EPB41: variants seen among roughly 807,000 people sequenced by gnomAD.
EPB41 encodes the protein protein 4.1.
Under a neutral mutation model 108.0 loss-of-function variants are expected in EPB41, and 65 were observed. The ratio of observed to expected loss-of-function variants is 0.60; its 90% CI spans 0.49 to 0.74. The LOEUF is 0.74. Among genes scored for constraint, EPB41 ranks in the 30% least tolerant of loss-of-function variants. EPB41 has a pLI of 0.00. For synonymous variants in EPB41, 336 were observed against 358.9 expected (o/e 0.94, Z 0.72); for missense variants, 875 against 1,037.0 (o/e 0.84, Z 2.15).
At chr1:28,900,290 CTTT>C (rs536156004) in intron 1 of EPB41, among the ~76,000 whole-genome samples, 6 of 126,054 alleles carry the variant, frequency 4.8e-5, no homozygotes, top group Admixed American at 7.9e-5. Flanking sequence ...ACTTCTTCTT[CTTT>C]TTTTTTTTTT....
chr1:29,099,284 A>G lies in EPB41; in HGVS notation c.2313+1349A>G, dbSNP rs112791691. On this transcript the variant is annotated intron_variant, in intron 17 of 20. Transcript: ENST00000343067. Reference sequence around the variant, plus strand: ...CCACTGCATTAAAAAAAAAAAAAAAAAAGAAGAAGAAGAAGAGATTACTGG... The same window carrying G: ...CCACTGCATTAAAAAAAAAAAAAAAGAAGAAGAAGAAGAAGAGATTACTGG... Among the ~76,000 whole-genome samples the G allele has an allele frequency of 2.2e-3, 329 of 150,426 alleles. 1 individual carries two copies. The highest frequency in any genetic ancestry group is 0.01 in the East Asian group (51 of 5,068).
intron 15 of EPB41, among the ~76,000 whole-genome samples, chr1:29,062,014 C>T (rs1646654830): frequency 6.6e-6 from 1 of 152,068 alleles, no homozygotes; most frequent in South Asian, 2.1e-4. Flanking sequence ...AAAAATATGC[C>T]CAGCCTTCAT....
chr1:28,972,804 A>G (rs1571706640), intron 1 of EPB41, among the ~76,000 whole-genome samples: 1 of 150,790 alleles, frequency 6.6e-6, no homozygotes, highest in East Asian at 1.9e-4. Context: ...TGGTCTCACT[A>G]TGCTGCCCAG....
chr1:29,040,812 CT>C (rs1641207538), intron 11 of EPB41, among the ~76,000 whole-genome samples: 1 of 152,026 alleles, frequency 6.6e-6, no homozygotes, highest in Non-Finnish European at 1.5e-5. Flanking sequence ...CATTCAGTTC[CT>C]TATGTCACTA....
chr1:29,041,978 A>G (rs1260480775), intron 11 of EPB41, among the ~76,000 whole-genome samples: 1 of 152,212 alleles, frequency 6.6e-6, no homozygotes, highest in Non-Finnish European at 1.5e-5. Flanking sequence ...AATGTTAGCT[A>G]TCATTAAGAT....
intron 16 of EPB41, among the ~76,000 whole-genome samples, chr1:29,090,617 G>T (rs1435977267): frequency 1.3e-5 from 2 of 152,172 alleles, no homozygotes; most frequent in African/African-American, 2.4e-5. Flanking sequence ...GGGCGCGATG[G>T]CAAATGCCTG....
Position 29,118,940 on chromosome 1 carries a change from C to T in EPB41, c.*2128C>T, listed in dbSNP as rs1455005277. The T allele has an allele frequency of 6.6e-6, 1 of 152,304 alleles. No homozygotes were observed. The highest frequency in any genetic ancestry group is 1.5e-5 in the Non-Finnish European group (1 of 68,120). The allele number at this position is 152,304 out of a possible 1,614,324, so 9.4% of individuals were successfully genotyped here. On this transcript the variant is annotated 3_prime_UTR_variant, in exon 21 of 21. Coordinates refer to ENST00000343067, the MANE Select transcript of EPB41 (RefSeq NM_001376013.1). ...AGGAAGAGCTACCAGGGCTTCCAGA[C>T]CTGTGGAACGAAGAGGATGGGGAAA... is the stretch of plus-strand genomic sequence containing the variant.
chr1:28,890,978 G>A (rs2090053271), intron 1 of EPB41: 1 of 985,492 alleles, frequency 1.0e-6, no homozygotes, highest in Non-Finnish European at 1.2e-6. Flanking sequence ...TGGGGAACAA[G>A]CTGTGCTGCC....
chr1:29,004,239 C>A (rs2096358292), intron 4 of EPB41, among the ~76,000 whole-genome samples: 1 of 152,192 alleles, frequency 6.6e-6, no homozygotes, highest in Admixed American at 6.5e-5. Context: ...CAAATTTCAT[C>A]TCTAAGCAGA....
intron 16 of EPB41, among the ~76,000 whole-genome samples, chr1:29,066,213 G>A (rs1238720168): frequency 6.6e-6 from 1 of 152,026 alleles, no homozygotes; most frequent in African/African-American, 2.4e-5. Context: ...GAGGTCAGGA[G>A]TTCGAGACCA....
At position 28,887,454 on chromosome 1, in the gene EPB41, A is replaced by G; in HGVS notation, c.-8+244A>G. ...TGGGAGTCTGGAGAGGGGGTCCGGG[A>G]GCTCGGATCCGGAGCTAGACACGTC... is the stretch of plus-strand genomic sequence containing the variant. On this transcript the variant is annotated intron_variant, in intron 1 of 16. Transcript: ENST00000347529. This position sits in a 1 kb window ranked among gnomAD's most constrained non-coding sequence, Gnocchi z 4.9. 1.0e-6 allele frequency: 1 copy of G among 985,118 alleles called. No individual in the cohort carries two copies. Among genetic ancestry groups the G allele is most frequent in the Non-Finnish European group, 1.2e-6 (1 of 829,854 alleles). The allele number at this position is 985,118 out of a possible 1,614,324, so 61.0% of individuals were successfully genotyped here.
At chr1:29,082,797 A>C (rs545926278) in intron 16 of EPB41, among the ~76,000 whole-genome samples, 35 of 152,310 alleles carry the variant, frequency 2.3e-4, no homozygotes, top group African/African-American at 8.2e-4. Context: ...ATTACCTAAT[A>C]GTTAAAATTT....
chr1:29,050,346 G>A (rs1033635608), intron 11 of EPB41, among the ~76,000 whole-genome samples: 10 of 152,274 alleles, frequency 6.6e-5, no homozygotes, highest in South Asian at 4.1e-4. Context: ...TGGCTCTGCA[G>A]TATTAGTACT....
Position 28,887,350 on chromosome 1 carries a change from G to C in EPB41, c.-8+140G>C. 1.7e-6 allele frequency: 2 copies of C among 1,151,608 alleles called. No homozygotes were observed. The highest frequency in any genetic ancestry group is 2.2e-6 in the Non-Finnish European group (2 of 923,108). The allele number at this position is 1,151,608 out of a possible 1,614,324, so 71.3% of individuals were successfully genotyped here. On this transcript the variant is annotated intron_variant, in intron 1 of 16. Transcript: ENST00000347529. This position sits in a 1 kb window ranked among gnomAD's most constrained non-coding sequence, Gnocchi z 4.9. ...GAAGGGTCCAGGGCTGAGGGGTCCA[G>C]CGGTCCCGAATTCCAGAATCCGAAC...
At chr1:29,031,208 G>T (rs1454966303) in intron 8 of EPB41, among the ~76,000 whole-genome samples, 1 of 152,132 alleles carries the variant, frequency 6.6e-6, no homozygotes, top group Non-Finnish European at 1.5e-5. Flanking sequence ...TCATATCCAA[G>T]CTACTGTTAA....
In EPB41 at chr1:28,892,218, G is replaced by A. The variant is rs147942900; in HGVS notation, c.-8+5008G>A. On this transcript the variant is annotated intron_variant, in intron 1 of 16. Coordinates refer to the EPB41 transcript ENST00000347529. ...CCCCTACAGCAACTTTGTCAGGTAG[G>A]TGGTACCCCTCACCCATGCTGGGTC... Among the ~76,000 whole-genome samples the A allele has an allele frequency of 9.3e-3, 1,407 of 152,040 alleles. 8 individuals carry two copies. Among genetic ancestry groups the A allele is most frequent in the Admixed American group, 0.015 (233 of 15,232 alleles).
intron 16 of EPB41, among the ~76,000 whole-genome samples, chr1:29,086,219 G>A (rs7544914): frequency 0.66 from 100,259 of 151,418 alleles, 35,324 homozygotes; most frequent in Non-Finnish European, 0.79. Flanking sequence ...CAAAAAGATC[G>A]TTTGCAATCC....
At chr1:28,940,638 C>T (rs112407434) in intron 1 of EPB41, among the ~76,000 whole-genome samples, 2,292 of 151,934 alleles carry the variant, frequency 0.015, 47 homozygotes, top group African/African-American at 0.05. Flanking sequence ...GGCGACAGAG[C>T]GAGACTCTGT....
chr1:29,097,818 G>A lies in EPB41; in HGVS notation c.2196G>A (p.Val732=). ...TTACTGCTTCACAGCCTCCCCTGGTGAAGACACAAACTGTCACCATCTCAG... is the reference window on the plus strand; with the variant it reads ...TTACTGCTTCACAGCCTCCCCTGGTAAAGACACAAACTGTCACCATCTCAG... ...QIPTGEGPPL[V]KTQTVTISDN... The change falls in exon 17 of 21, where the codon GTG becomes GTA. Residue 732 remains valine (V), a synonymous_variant. Coordinates refer to ENST00000343067, the MANE Select transcript of EPB41 (RefSeq NM_001376013.1). The A allele has an allele frequency of 6.2e-7, 1 of 1,614,002 alleles. No individual in the cohort carries two copies. The highest frequency in any genetic ancestry group is 8.5e-7 in the Non-Finnish European group (1 of 1,179,900).
Sources: gnomAD v4.1 joint callset for allele counts (sites outside exome capture counted in the v4.1 genomes callset) on GRCh38, gnomAD v4.1.1 for gene constraint, Gnocchi (gnomAD v3.1) non-coding constraint, MANE v1.5 for transcripts, NCBI Gene and HGNC (gene_info 2026-07-23, HGNC 2026-07-21) for gene names.